CDH13: variants seen among roughly 807,000 people sequenced by gnomAD.
CDH13 encodes cadherin-13.
A neutral mutation model predicts 63.8 loss-of-function variants in CDH13; 24 were observed. The observed-to-expected ratio is 0.38, with a 90% CI of 0.27 to 0.53. The LOEUF (loss-of-function observed/expected upper bound fraction) is 0.53, where lower values mean the gene tolerates loss of function less well. CDH13 is among the 20% of genes least tolerant of loss of function. CDH13 has a pLI of 0.85. For missense variants in CDH13, 1,049 were observed against 903.1 expected (o/e 1.16, Z -2.07); for synonymous variants, 503 against 355.3 (o/e 1.42, Z -4.67).
rs2074310535 is a variant in CDH13 at position 83,502,765 on chromosome 16, A to G, written c.960+16110A>G. On this transcript the variant is annotated intron_variant, in intron 7 of 13. Coordinates refer to ENST00000567109, the MANE Select transcript of CDH13 (RefSeq NM_001257.5). ...ATTGGCCATGAAGAGCTCTTGACCA[A>G]TAGTAGCTGGTGTTACCAATAATAA... 2.0e-5 allele frequency among the ~76,000 whole-genome samples: 3 copies of G among 152,354 alleles called. No homozygotes were observed. In the South Asian group the frequency reaches 6.2e-4, roughly 32 times the overall value.
intron 1 of CDH13, among the ~76,000 whole-genome samples, chr16:82,801,044 C>G (rs182954618): frequency 6.6e-6 from 1 of 152,102 alleles, no homozygotes; most frequent in Non-Finnish European, 1.5e-5. Flanking sequence ...AGATTAGGAC[C>G]AGTGTTTACA....
rs539780079 is a variant in CDH13 at position 82,726,568 on chromosome 16, T to A, written c.45+99431T>A. On this transcript the variant is annotated intron_variant, in intron 1 of 13. Transcript: ENST00000567109. ...GCTGACCTCTGGATTACAGTCTGCA[T>A]CTGTTGCAGCTTATTTCAAGCACCG... is the stretch of plus-strand genomic sequence containing the variant. Among the ~76,000 whole-genome samples, 3 of 152,340 alleles carry A rather than the reference T, an allele frequency of 2.0e-5. No individual in the cohort carries two copies. In the South Asian group the frequency reaches 6.2e-4, roughly 32 times the overall value.
At chr16:82,915,253 A>G (rs2041951174) in intron 2 of CDH13, among the ~76,000 whole-genome samples, 1 of 152,208 alleles carries the variant, frequency 6.6e-6, no homozygotes, top group Non-Finnish European at 1.5e-5. Flanking sequence ...TATAGATTTA[A>G]TATCGCAAGA....
At chr16:83,238,418 C>T (rs1904282967) in intron 5 of CDH13, among the ~76,000 whole-genome samples, 1 of 152,132 alleles carries the variant, frequency 6.6e-6, no homozygotes. Context: ...ATGGGAAAGA[C>T]CCACCCCCAT....
intron 3 of CDH13, among the ~76,000 whole-genome samples, chr16:83,034,149 T>TC (rs1192645947): frequency 6.6e-6 from 1 of 152,132 alleles, no homozygotes; most frequent in East Asian, 1.9e-4. Context: ...AATAAGTGGC[T>TC]CATGTGCCAC....
intron 1 of CDH13, 38 bp from the exon 2 acceptor site, chr16:82,858,324 A>C: frequency 7.2e-7 from 1 of 1,381,582 alleles, no homozygotes. Context: ...CAAACACATA[A>C]GCCGCTATTA....
At chr16:83,141,306 A>G (rs969931292) in intron 4 of CDH13, among the ~76,000 whole-genome samples, 11 of 152,166 alleles carry the variant, frequency 7.2e-5, no homozygotes, top group African/African-American at 2.4e-4. Context: ...TACACCCAGT[A>G]TTCTGAGCCT....
intron 1 of CDH13, among the ~76,000 whole-genome samples, chr16:82,802,850 G>C (rs182957192): frequency 2.0e-5 from 3 of 152,252 alleles, no homozygotes; most frequent in Admixed American, 1.3e-4. Flanking sequence ...TTTTCCAACA[G>C]TCACAAAGGA....
At chr16:82,685,941 C>G (rs1393861206) in intron 1 of CDH13, among the ~76,000 whole-genome samples, 3 of 152,134 alleles carry the variant, frequency 2.0e-5, no homozygotes, top group Non-Finnish European at 4.4e-5. Context: ...CATGGTTCCT[C>G]TAGTGGTTAA....
chr16:82,882,614 T>G (rs778721544), intron 2 of CDH13, among the ~76,000 whole-genome samples: 12 of 152,154 alleles, frequency 7.9e-5, no homozygotes, highest in Non-Finnish European at 1.3e-4. Flanking sequence ...TTTGGCTTTT[T>G]TCCTTCCTTC....
chr16:83,470,097 G>T (rs75180213), intron 6 of CDH13, among the ~76,000 whole-genome samples: 3,833 of 152,116 alleles, frequency 0.025, 160 homozygotes, highest in African/African-American at 0.087. Flanking sequence ...CTCTTAGTTG[G>T]AGTGAATCAA....
At chr16:83,302,745 C>G (rs193295197) in intron 5 of CDH13, among the ~76,000 whole-genome samples, 3 of 152,228 alleles carry the variant, frequency 2.0e-5, no homozygotes, top group African/African-American at 7.2e-5. Flanking sequence ...GTGGGAGACG[C>G]CAAGGAGGCA....
chr16:83,687,324 G>A (rs1000105668), intron 10 of CDH13, among the ~76,000 whole-genome samples: 4 of 152,188 alleles, frequency 2.6e-5, no homozygotes, highest in Non-Finnish European at 5.9e-5. Flanking sequence ...TCATGGCTCT[G>A]CAGGCTATAT....
intron 8 of CDH13, among the ~76,000 whole-genome samples, chr16:83,635,746 T>A (rs1188166999): frequency 1.3e-5 from 2 of 152,190 alleles, no homozygotes; most frequent in Non-Finnish European, 2.9e-5. Context: ...TTTATCTCAA[T>A]CTGTGGCTTG....
chr16:83,527,385 C>A (rs545031673), intron 7 of CDH13, among the ~76,000 whole-genome samples: 2 of 151,676 alleles, frequency 1.3e-5, no homozygotes, highest in African/African-American at 2.4e-5. Flanking sequence ...GGAGGCAGAG[C>A]TTGCAGTGAG....
intron 5 of CDH13, among the ~76,000 whole-genome samples, chr16:83,268,187 C>T (rs1293344065): frequency 2.6e-5 from 4 of 152,164 alleles, no homozygotes; most frequent in Non-Finnish European, 4.4e-5. Context: ...CAGACATTAA[C>T]TGTACTGCAG....
chr16:82,716,067 C>T (rs1422921019), intron 1 of CDH13, among the ~76,000 whole-genome samples: 1 of 152,180 alleles, frequency 6.6e-6, no homozygotes, highest in Non-Finnish European at 1.5e-5. Flanking sequence ...AATGACCTTC[C>T]AGGCATGGTG....
intron 10 of CDH13, among the ~76,000 whole-genome samples, chr16:83,714,102 C>T (rs1908514842): frequency 6.6e-6 from 1 of 152,178 alleles, no homozygotes; most frequent in Non-Finnish European, 1.5e-5. Context: ...GGGGGCTGCC[C>T]TACGCCAAAT....
chr16:83,415,267 G>T (rs186818732), intron 6 of CDH13, among the ~76,000 whole-genome samples: 1 of 152,204 alleles, frequency 6.6e-6, no homozygotes, highest in Admixed American at 6.5e-5. Flanking sequence ...ATAACTCATA[G>T]GGAGATTGAA....
Sources: allele counts gnomAD v4.1 joint callset (sites outside exome capture counted in the v4.1 genomes callset), GRCh38; gene constraint gnomAD v4.1.1; transcripts MANE v1.5; gene names NCBI Gene and HGNC (gene_info 2026-07-23, HGNC 2026-07-21).